Variants in STAC observed in about 807,000 individuals in gnomAD.
The protein encoded by STAC is SH3 and cysteine rich domain.
In STAC, 43 loss-of-function variants were observed where a neutral mutation model predicts 48.8. The ratio of observed to expected loss-of-function variants is 0.88; its 90% CI spans 0.69 to 1.14. The LOEUF (loss-of-function observed/expected upper bound fraction) is 1.14, where lower values mean the gene tolerates loss of function less well. STAC is among the 50% of genes most tolerant of loss of function. The pLI, the probability that STAC is intolerant of heterozygous loss-of-function variation, is 0.00. For missense variants in STAC, 497 were observed against 504.0 expected, an observed-to-expected ratio of 0.99 and a Z score of 0.13; for synonymous variants, 193 against 179.5, an observed-to-expected ratio of 1.07 and a Z score of -0.60.
chr3:36,390,452 T>C (rs984372154), intron 1 of STAC, among the ~76,000 whole-genome samples: 41 of 50,634 alleles, frequency 8.1e-4, no homozygotes, highest in African/African-American at 5.4e-3. Flanking sequence ...TTTTCTTTTC[T>C]TTTTTTTTTT....
intron 1 of STAC, among the ~76,000 whole-genome samples, chr3:36,391,549 G>C (rs942044195): frequency 2.0e-4 from 30 of 152,148 alleles, no homozygotes; most frequent in Admixed American, 2.0e-4. Context: ...TGATTCAGCT[G>C]TCACCCCGTT....
chr3:36,412,492 G>A lies in STAC; in HGVS notation c.112-30872G>A, dbSNP rs4678873. Among the ~76,000 whole-genome samples the A allele has an allele frequency of 0.018, 2,786 of 152,142 alleles. 152 individuals are homozygous for A. In the East Asian group the frequency reaches 0.22, roughly 12 times the overall value. Reference sequence around the variant, plus strand: ...GGAAATTGGGTATACAACTAAAAGAGTCTGCAGTGGGAGGAAAGAAAGCCT... The same window carrying A: ...GGAAATTGGGTATACAACTAAAAGAATCTGCAGTGGGAGGAAAGAAAGCCT... On this transcript the variant is annotated intron_variant, in intron 1 of 10. Coordinates refer to ENST00000273183, the MANE Select transcript of STAC (RefSeq NM_003149.3).
chr3:36,466,707 A>C (rs1422998721), intron 2 of STAC, among the ~76,000 whole-genome samples: 1 of 152,182 alleles, frequency 6.6e-6, no homozygotes, highest in East Asian at 1.9e-4. Context: ...GTATCCTAAA[A>C]CTTTGCTGGA....
Position 36,431,056 on chromosome 3 carries a change from A to G in STAC, c.112-12308A>G, listed in dbSNP as rs532453005. On this transcript the variant is annotated intron_variant, in intron 1 of 10. Coordinates refer to ENST00000273183, the MANE Select transcript of STAC (RefSeq NM_003149.3). ...TATTATGAGAAGCAGTACTTGATAAATGAAACCTAGCATAGTACTGAATGT... is the reference window on the plus strand; with the variant it reads ...TATTATGAGAAGCAGTACTTGATAAGTGAAACCTAGCATAGTACTGAATGT... Among the ~76,000 whole-genome samples the G allele has an allele frequency of 9.8e-5, 15 of 152,354 alleles. No homozygotes were observed. The South Asian group carries it at 1.9e-3, about 19-fold the overall frequency.
intron 10 of STAC, among the ~76,000 whole-genome samples, chr3:36,533,914 T>G (rs1699134648): frequency 1.3e-5 from 2 of 152,102 alleles, no homozygotes; most frequent in African/African-American, 4.8e-5. Flanking sequence ...ATAGGCAAAT[T>G]GCATGTCACG....
chr3:36,486,379 C>A, intron 5 of STAC, 130 bp downstream of exon 5: 1 of 685,572 alleles, frequency 1.5e-6, no homozygotes, highest in South Asian at 2.1e-5. Flanking sequence ...AGGCACCTGC[C>A]AAAGAGAAAC....
At chr3:36,489,575 T>G (rs1697911643) in intron 5 of STAC, among the ~76,000 whole-genome samples, 1 of 152,232 alleles carries the variant, frequency 6.6e-6, no homozygotes, top group South Asian at 2.1e-4. Flanking sequence ...CTTTTTTGTT[T>G]GATTTTTCTC....
chr3:36,422,178 A>C (rs1283265346), intron 1 of STAC, among the ~76,000 whole-genome samples: 1 of 152,182 alleles, frequency 6.6e-6, no homozygotes, highest in Non-Finnish European at 1.5e-5. Flanking sequence ...AAATATAGTG[A>C]GAAAAGTCTC....
chr3:36,385,688 T>C (rs1699601099), intron 1 of STAC, among the ~76,000 whole-genome samples: 1 of 152,072 alleles, frequency 6.6e-6, no homozygotes, highest in Non-Finnish European at 1.5e-5. Context: ...TAAAGGTAAA[T>C]AGTATCCTCA....
In STAC at chr3:36,493,181, G is replaced by A; in HGVS notation, c.718G>A (p.Ala240Thr). 1 of 1,613,534 alleles carries A rather than the reference G, an allele frequency of 6.2e-7. No individual in the cohort carries two copies. The highest frequency in any genetic ancestry group is 8.5e-7 in the Non-Finnish European group (1 of 1,179,626). The change falls in exon 6 of 11, where the codon GCC (alanine) becomes ACC (threonine). Residue 240 changes from alanine to threonine, a missense_variant. Transcript: ENST00000273183. ...AGATCTTGTGGAGGTTCCTGAGGAA[G>A]CCAATGGGCCAGGAGGCGGGTATGA... ...TSDLVEVPEE[A>T]NGPGGGYDLR...
intron 1 of STAC, among the ~76,000 whole-genome samples, chr3:36,392,494 C>T (rs1227004422): frequency 6.6e-6 from 1 of 152,104 alleles, no homozygotes; most frequent in East Asian, 1.9e-4. Context: ...CACATACAAT[C>T]ATGCCCAGCT....
In STAC at chr3:36,380,710, G is replaced by A. The variant is rs149913047; in HGVS notation, c.67G>A (p.Glu23Lys). ...DGLPKEAVGA[E>K]QPPSPASTSS... ...GCTGCCCAAGGAGGCGGTGGGCGCCGAGCAACCGCCCTCTCCTGCATCCAC... is the reference window on the plus strand; with the variant it reads ...GCTGCCCAAGGAGGCGGTGGGCGCCAAGCAACCGCCCTCTCCTGCATCCAC... The change falls in exon 1 of 11, where the codon GAG becomes AAG. Residue 23 changes from glutamate (E) to lysine (K), a missense_variant. Transcript: ENST00000273183. 3.1e-6 allele frequency: 5 copies of A among 1,611,758 alleles called. No individual in the cohort carries two copies. The highest frequency in any genetic ancestry group is 1.3e-5 in the African/African-American group (1 of 75,014).
At chr3:36,392,979 T>G (rs1699784580) in intron 1 of STAC, among the ~76,000 whole-genome samples, 1 of 152,096 alleles carries the variant, frequency 6.6e-6, no homozygotes, top group Non-Finnish European at 1.5e-5. Flanking sequence ...GTCCTTAAAC[T>G]TTTCTCCTCC....
chr3:36,528,959 G>A lies in STAC; in HGVS notation c.1084G>A (p.Gly362Arg), dbSNP rs1322201025. The A allele has an allele frequency of 6.2e-6, 10 of 1,609,726 alleles. No homozygotes were observed. The highest frequency in any genetic ancestry group is 3.3e-5 in the South Asian group (3 of 90,498). ...AACCTTCATTGGGTGTAAGGAACAG[G>A]GGCAGATAACACTGAAAGAGAATCA... ...VRTFIGCKEQ[G>R]QITLKENQIC... Residue 362 changes from glycine (G) to arginine (R), a missense_variant, in exon 10 of 11, where the codon GGG (glycine) becomes AGG (arginine). Transcript: ENST00000273183.
chr3:36,539,239 C>T (rs1699267345), intron 10 of STAC, among the ~76,000 whole-genome samples: 1 of 152,070 alleles, frequency 6.6e-6, no homozygotes, highest in Non-Finnish European at 1.5e-5. Flanking sequence ...GGGTACAGTG[C>T]AGGTTTGTTA....
chr3:36,488,114 TG>T (rs1299084706), intron 5 of STAC, among the ~76,000 whole-genome samples: 8 of 152,168 alleles, frequency 5.3e-5, no homozygotes, highest in Admixed American at 6.5e-5. Flanking sequence ...AAATATTTTT[TG>T]AGAGATGGGG....
At chr3:36,519,244 A>G (rs1451754444) in intron 8 of STAC, among the ~76,000 whole-genome samples, 1 of 152,246 alleles carries the variant, frequency 6.6e-6, no homozygotes, top group African/African-American at 2.4e-5. Context: ...TTAGATAACT[A>G]CATTAATTCC....
Position 36,463,281 on chromosome 3 carries a change from G to A in STAC, c.388+19641G>A, listed in dbSNP as rs549554343. Among the ~76,000 whole-genome samples the A allele has an allele frequency of 9.2e-5, 14 of 151,990 alleles. No individual in the cohort carries two copies. In the South Asian group the frequency reaches 2.9e-3, roughly 32 times the overall value. Reference sequence around the variant, plus strand: ...TGTGTAGACAAGGTACCTTTTGGCAGGGGTTCCTGAAATAATTTTTCTTTT... The same window carrying A: ...TGTGTAGACAAGGTACCTTTTGGCAAGGGTTCCTGAAATAATTTTTCTTTT... On this transcript the variant is annotated intron_variant, in intron 2 of 10. Transcript: ENST00000273183.
intron 1 of STAC, among the ~76,000 whole-genome samples, chr3:36,437,931 G>GTTATTATTATTATTATTATTA (rs146079093): frequency 8.5e-5 from 12 of 140,568 alleles, no homozygotes; most frequent in East Asian, 2.1e-4. Flanking sequence ...TATTCATTGA[G>GTTATTATTATTATTATTATTA]TTATTATTAT....
Sources: gnomAD v4.1 joint callset for allele counts (sites outside exome capture counted in the v4.1 genomes callset) on GRCh38, gnomAD v4.1.1 for gene constraint, MANE v1.5 for transcripts, NCBI Gene and HGNC (gene_info 2026-07-23, HGNC 2026-07-21) for gene names.